The following CDH22 variants were observed in gnomAD, a reference collection of about 807,000 sequenced individuals.
CDH22 encodes the protein cadherin-22.
Under a neutral mutation model 58.4 loss-of-function variants are expected in CDH22, and 30 were observed. That is an observed-to-expected ratio of 0.51 (90% CI 0.38 to 0.70). The LOEUF (loss-of-function observed/expected upper bound fraction) is 0.70, where lower values mean the gene tolerates loss of function less well. CDH22 is among the 30% of genes least tolerant of loss of function. CDH22 has a pLI of 0.00. For missense variants in CDH22, 1,014 were observed against 1,233.9 expected (o/e 0.82, Z 2.67); for synonymous variants, 513 against 558.2 (o/e 0.92, Z 1.14).
intron 4 of CDH22, among the ~76,000 whole-genome samples, chr20:46,226,289 C>CTT (rs1182728033): frequency 0.011 from 38 of 3,554 alleles, no homozygotes; most frequent in African/African-American, 0.032. Context: ...TCTTCTTCTT[C>CTT]TTCTTTTTTT....
At chr20:46,263,702 C>T (rs1397267140) in intron 1 of CDH22, among the ~76,000 whole-genome samples, 2 of 151,898 alleles carry the variant, frequency 1.3e-5, no homozygotes, top group African/African-American at 4.8e-5. Context: ...TTTAGGGGAC[C>T]GAAAGGCCAG....
intron 3 of CDH22, among the ~76,000 whole-genome samples, chr20:46,227,995 G>C (rs2086191916): frequency 6.6e-6 from 1 of 152,222 alleles, no homozygotes; most frequent in Non-Finnish European, 1.5e-5. Context: ...TAAACTCCCA[G>C]CACAGAGCTG....
chr20:46,228,216 A>T (rs1349358815), intron 3 of CDH22, among the ~76,000 whole-genome samples: 1 of 152,174 alleles, frequency 6.6e-6, no homozygotes, highest in African/African-American at 2.4e-5. Context: ...CGGGGGTCAG[A>T]GGCCAGTGTC....
At chr20:46,279,904 C>T (rs935027186) in intron 1 of CDH22, among the ~76,000 whole-genome samples, 7 of 152,166 alleles carry the variant, frequency 4.6e-5, no homozygotes, top group South Asian at 2.1e-4. Context: ...TTCTAGTTGA[C>T]GGAGCATTTT....
intron 4 of CDH22, among the ~76,000 whole-genome samples, chr20:46,222,303 G>A (rs1010576615): frequency 5.9e-5 from 9 of 152,180 alleles, no homozygotes; most frequent in Non-Finnish European, 1.0e-4. Flanking sequence ...CTCAAATGAC[G>A]TTTTGACTGG....
intron 2 of CDH22, among the ~76,000 whole-genome samples, chr20:46,242,675 G>A (rs908611989): frequency 2.0e-5 from 3 of 152,196 alleles, no homozygotes; most frequent in African/African-American, 7.2e-5. Context: ...GGCTGAGAGA[G>A]TTGGGGCGAG....
chr20:46,217,022 C>A, intron 4 of CDH22, 29 bp from the exon 5 acceptor site: 1 of 1,568,452 alleles, frequency 6.4e-7, no homozygotes, highest in Non-Finnish European at 8.7e-7. Context: ...GAGGCCAGGG[C>A]ACCCCACACC....
Position 46,174,854 on chromosome 20 carries a change from G to GCC in CDH22, c.2137_2138dup (p.Ser714AlafsTer191). Reference sequence around the variant, plus strand: ...GGGGGCTGCCCGCGCCCCCGCCCGAGCCCCCGCCCGCTCCCCCGCCCGCGC... The same window carrying GCC: ...GGGGGCTGCCCGCGCCCCCGCCCGAGCCCCCCCGCCCGCTCCCCCGCCCGCGC... On this transcript the variant is annotated frameshift_variant, in exon 12 of 12. Transcript: ENST00000537909. LOFTEE classifies it low-confidence loss of function (END_TRUNC). The surrounding 1 kb of genome is among the most constrained non-coding windows in gnomAD (Gnocchi z 4.4). 1 of 1,113,888 alleles carries GCC rather than the reference G, an allele frequency of 9.0e-7. No homozygotes were observed. Among genetic ancestry groups the GCC allele is most frequent in the Non-Finnish European group, 1.2e-6 (1 of 858,942 alleles). 69.0% of individuals were successfully genotyped at this position (1,113,888 alleles called of 1,614,324 possible).
At chr20:46,280,557 T>C (rs1441698634) in intron 1 of CDH22, among the ~76,000 whole-genome samples, 1 of 152,174 alleles carries the variant, frequency 6.6e-6, no homozygotes, top group African/African-American at 2.4e-5. Flanking sequence ...CACAGTCCCA[T>C]CTGAACCGGC....
intron 1 of CDH22, among the ~76,000 whole-genome samples, chr20:46,275,621 G>T (rs905891701): frequency 6.6e-6 from 1 of 152,144 alleles, no homozygotes; most frequent in African/African-American, 2.4e-5. Flanking sequence ...ATAGTACCTG[G>T]CATGGAAAGG....
intron 1 of CDH22, among the ~76,000 whole-genome samples, chr20:46,269,396 C>T (rs927539696): frequency 7.9e-5 from 12 of 152,294 alleles, no homozygotes; most frequent in South Asian, 4.1e-4. Context: ...CCAAATCTTC[C>T]GCCAATAAAA....
At chr20:46,272,749 T>C (rs1276122465) in intron 1 of CDH22, among the ~76,000 whole-genome samples, 1 of 152,238 alleles carries the variant, frequency 6.6e-6, no homozygotes, top group Non-Finnish European at 1.5e-5. Flanking sequence ...TCTTCCCTGC[T>C]GGGCTGTAAG....
chr20:46,240,933 C>G (rs1173397158), intron 3 of CDH22, 30 bp downstream of exon 3: 2 of 1,590,152 alleles, frequency 1.3e-6, no homozygotes, highest in South Asian at 1.1e-5. Flanking sequence ...ACCTTGATCC[C>G]ATCCCCCACC....
At chr20:46,301,507 A>ATG (rs2086651655) in intron 1 of CDH22, among the ~76,000 whole-genome samples, 1 of 147,178 alleles carries the variant, frequency 6.8e-6, no homozygotes, top group Non-Finnish European at 1.5e-5. Context: ...TTAAAAAAAT[A>ATG]TATATATATA....
intron 4 of CDH22, among the ~76,000 whole-genome samples, chr20:46,221,314 T>G (rs1004974539): frequency 2.0e-5 from 3 of 148,122 alleles, no homozygotes; most frequent in African/African-American, 7.5e-5. Flanking sequence ...TCTAGATGAC[T>G]GATAGAGAAA....
intron 2 of CDH22, among the ~76,000 whole-genome samples, chr20:46,245,669 A>T (rs1021818026): frequency 6.6e-6 from 1 of 152,204 alleles, no homozygotes; most frequent in African/African-American, 2.4e-5. Context: ...AATGAATAAT[A>T]AAATATACAA....
At chr20:46,255,139 A>G (rs1158774929) in intron 1 of CDH22, among the ~76,000 whole-genome samples, 5 of 152,108 alleles carry the variant, frequency 3.3e-5, no homozygotes, top group African/African-American at 1.2e-4. Flanking sequence ...CTCCTGCCTC[A>G]GCCTCCAAAG....
intron 1 of CDH22, among the ~76,000 whole-genome samples, chr20:46,275,871 T>C (rs2086514925): frequency 6.8e-6 from 1 of 147,874 alleles, no homozygotes; most frequent in African/African-American, 2.5e-5. Flanking sequence ...AAAGAAACTT[T>C]ACAAAAGGCT....
intron 8 of CDH22, among the ~76,000 whole-genome samples, chr20:46,198,591 A>G (rs913476432): frequency 3.9e-5 from 6 of 152,102 alleles, no homozygotes; most frequent in Admixed American, 2.6e-4. Context: ...GCTCTTCTCA[A>G]TGCAGCTGCC....
Sources: gnomAD v4.1 joint callset for allele counts (sites outside exome capture counted in the v4.1 genomes callset) on GRCh38, gnomAD v4.1.1 for gene constraint, Gnocchi (gnomAD v3.1) non-coding constraint, MANE v1.5 for transcripts, NCBI Gene and HGNC (gene_info 2026-07-23, HGNC 2026-07-21) for gene names.